Variants in BLTP1 observed in about 807,000 individuals in gnomAD.
BLTP1 encodes the protein fragile site-associated protein.
the BLTP1 span, chr4:122,243,887 T>C: frequency 6.2e-7 from 1 of 1,602,064 alleles, no homozygotes; most frequent in East Asian, 2.3e-5. Context: ...AAAAACTCGC[T>C]GATAACACAG....
chr4:122,337,163 G>C, the BLTP1 span: 1 of 708,980 alleles, frequency 1.4e-6, no homozygotes, highest in South Asian at 1.8e-5. Context: ...TGGCTTGGAG[G>C]TTGCCAGAAT....
At chr4:122,222,864 C>A in the BLTP1 span, 1 of 318,276 alleles carries the variant, frequency 3.1e-6, no homozygotes, top group Non-Finnish European at 4.5e-6. Context: ...TTGAGGGATG[C>A]CATTCAACCC....
chr4:122,201,054 A>C, the BLTP1 span: 1 of 1,613,838 alleles, frequency 6.2e-7, no homozygotes. Flanking sequence ...CATGCCGCAG[A>C]CATGGCAGTG....
chr4:122,219,353 G>A, the BLTP1 span: 1 of 1,612,960 alleles, frequency 6.2e-7, no homozygotes, highest in Non-Finnish European at 8.5e-7. Flanking sequence ...AACTACTTTG[G>A]GGAAGATGAC....
At chr4:122,294,308 G>A in the BLTP1 span, among the ~76,000 whole-genome samples, 1 of 152,224 alleles carries the variant, frequency 6.6e-6, no homozygotes, top group Non-Finnish European at 1.5e-5. Context: ...CCAACTGGAT[G>A]AGACCTCCCA....
chr4:122,334,062 A>C, the BLTP1 span, among the ~76,000 whole-genome samples: 1 of 152,096 alleles, frequency 6.6e-6, no homozygotes, highest in Non-Finnish European at 1.5e-5. Context: ...AAACTTGCTA[A>C]ACCTTGCTAG....
chr4:122,258,528 G>A, the BLTP1 span: 8 of 406,670 alleles, frequency 2.0e-5, no homozygotes, highest in South Asian at 1.0e-4. Flanking sequence ...AATAAAAGCC[G>A]TTTGTTCCTT....
chr4:122,249,085 A>G, the BLTP1 span: 70 of 906,128 alleles, frequency 7.7e-5, 1 homozygote, highest in East Asian at 7.1e-3. Context: ...ACAGTCTTTT[A>G]GTAAAAGCTA....
the BLTP1 span, chr4:122,270,447 A>G: frequency 5.1e-6 from 3 of 590,464 alleles, no homozygotes; most frequent in Non-Finnish European, 6.4e-6. Context: ...ATTTACTATA[A>G]TAGTCTTACA....
At chr4:122,195,924 G>T in the BLTP1 span, among the ~76,000 whole-genome samples, 1 of 152,004 alleles carries the variant, frequency 6.6e-6, no homozygotes, top group Non-Finnish European at 1.5e-5. Context: ...CCATAGACTG[G>T]CACCTTCTTT....
At chr4:122,198,833 G>C in the BLTP1 span, among the ~76,000 whole-genome samples, 1 of 152,116 alleles carries the variant, frequency 6.6e-6, no homozygotes, top group Non-Finnish European at 1.5e-5. Context: ...GATGCATGTG[G>C]AACTAGCCAT....
the BLTP1 span, among the ~76,000 whole-genome samples, chr4:122,203,611 T>G: frequency 6.6e-6 from 1 of 151,828 alleles, no homozygotes; most frequent in Non-Finnish European, 1.5e-5. Context: ...TAAGACTATC[T>G]GGTAATGAGA....
chr4:122,269,759 A>G, the BLTP1 span: 1 of 858,064 alleles, frequency 1.2e-6, no homozygotes, highest in African/African-American at 1.8e-5. Flanking sequence ...AACATTTAGC[A>G]TTGAGTCTGG....
At chr4:122,230,431 T>C in the BLTP1 span, among the ~76,000 whole-genome samples, 2 of 152,130 alleles carry the variant, frequency 1.3e-5, no homozygotes. Flanking sequence ...ATAACATTAT[T>C]TTCTGATGTG....
the BLTP1 span, among the ~76,000 whole-genome samples, chr4:122,176,497 T>C: frequency 6.6e-6 from 1 of 152,096 alleles, no homozygotes; most frequent in South Asian, 2.1e-4. Context: ...CAAAGGTAAA[T>C]TTTAAACCAA....
chr4:122,362,615 A>G, the BLTP1 span: 1 of 169,074 alleles, frequency 5.9e-6, no homozygotes, highest in Non-Finnish European at 1.3e-5. Flanking sequence ...GATTTTGGGG[A>G]GGTCATTAAT....
At chr4:122,180,665 C>T in the BLTP1 span, among the ~76,000 whole-genome samples, 2 of 152,070 alleles carry the variant, frequency 1.3e-5, no homozygotes, top group Admixed American at 1.3e-4. Flanking sequence ...TCCTTGTTTT[C>T]CAAAGAGAAA....
the BLTP1 span, chr4:122,174,714 A>C: frequency 8.1e-7 from 1 of 1,233,058 alleles, no homozygotes; most frequent in Non-Finnish European, 1.1e-6. Flanking sequence ...TATTGTTAAA[A>C]TGTTTTATGA....
At chr4:122,171,033 G>A in the BLTP1 span, among the ~76,000 whole-genome samples, 22 of 152,046 alleles carry the variant, frequency 1.4e-4, no homozygotes, top group Admixed American at 3.3e-4. Context: ...CCAACTTCTC[G>A]ACTCAACACA....
Sources: allele counts gnomAD v4.1 joint callset (sites outside exome capture counted in the v4.1 genomes callset), GRCh38; gene constraint gnomAD v4.1.1; transcripts MANE v1.5; gene names NCBI Gene and HGNC (gene_info 2026-07-23, HGNC 2026-07-21).